The following MACROD2 variants were observed in gnomAD, a reference collection of about 807,000 sequenced individuals.
The protein encoded by MACROD2 is ADP-ribose glycohydrolase MACROD2.
In MACROD2, 36 loss-of-function variants were observed where a neutral mutation model predicts 70.4. The observed-to-expected ratio is 0.51, with a 90% CI of 0.39 to 0.68. The LOEUF (loss-of-function observed/expected upper bound fraction) is 0.68, where lower values mean the gene tolerates loss of function less well. MACROD2 is among the 30% of genes least tolerant of loss of function. MACROD2 has a pLI of 0.00. For synonymous variants in MACROD2, 172 were observed against 178.8 expected, an observed-to-expected ratio of 0.96 and a Z score of 0.30; for missense variants, 496 against 538.4, an observed-to-expected ratio of 0.92 and a Z score of 0.78.
At chr20:14,643,838 T>C (rs1985225628) in intron 4 of MACROD2, among the ~76,000 whole-genome samples, 1 of 152,084 alleles carries the variant, frequency 6.6e-6, no homozygotes. Flanking sequence ...TTTATAAAGA[T>C]TTGTTGAATG....
At chr20:14,301,634 C>T (rs777767057) in intron 3 of MACROD2, among the ~76,000 whole-genome samples, 5 of 152,100 alleles carry the variant, frequency 3.3e-5, no homozygotes, top group Non-Finnish European at 7.4e-5. Flanking sequence ...TAATGACCTT[C>T]GTGTCTATTG....
intron 5 of MACROD2, among the ~76,000 whole-genome samples, chr20:14,898,352 G>A (rs1432184017): frequency 2.0e-5 from 3 of 152,064 alleles, no homozygotes; most frequent in Non-Finnish European, 4.4e-5. Context: ...ATAAATTTAA[G>A]CTTAGAGCTC....
At chr20:14,198,426 G>C (rs1282590621) in intron 3 of MACROD2, among the ~76,000 whole-genome samples, 1 of 152,172 alleles carries the variant, frequency 6.6e-6, no homozygotes, top group Non-Finnish European at 1.5e-5. Context: ...AATTATATTA[G>C]TCCAGAGCCA....
chr20:15,716,827 G>T (rs770149309), intron 8 of MACROD2, among the ~76,000 whole-genome samples: 4 of 152,142 alleles, frequency 2.6e-5, no homozygotes, highest in Non-Finnish European at 5.9e-5. Context: ...ACATGATTAG[G>T]AAAGGCTGGG....
chr20:14,556,033 A>T (rs1052044088), intron 4 of MACROD2, among the ~76,000 whole-genome samples: 1 of 152,080 alleles, frequency 6.6e-6, no homozygotes, highest in African/African-American at 2.4e-5. Flanking sequence ...AATGTTTACA[A>T]TTACTTTTAG....
intron 5 of MACROD2, among the ~76,000 whole-genome samples, chr20:15,225,674 T>C (rs1266744546): frequency 1.3e-5 from 2 of 152,242 alleles, no homozygotes; most frequent in Non-Finnish European, 2.9e-5. Flanking sequence ...TATCTTTCCA[T>C]ATGCATACAT....
chr20:14,440,626 T>C (rs532997340), intron 3 of MACROD2, among the ~76,000 whole-genome samples: 1 of 152,336 alleles, frequency 6.6e-6, no homozygotes, highest in Non-Finnish European at 1.5e-5. Flanking sequence ...ATGAGACGTC[T>C]GTAGAAGAGT....
chr20:14,084,969 A>G (rs2054058151), intron 2 of MACROD2, among the ~76,000 whole-genome samples: 1 of 147,750 alleles, frequency 6.8e-6, no homozygotes, highest in Non-Finnish European at 1.5e-5. Flanking sequence ...CTAAAAATAC[A>G]AAAATTAGAT....
At chr20:14,908,349 T>A (rs963468643) in intron 5 of MACROD2, among the ~76,000 whole-genome samples, 3 of 137,934 alleles carry the variant, frequency 2.2e-5, no homozygotes, top group Non-Finnish European at 4.7e-5. Context: ...TCAAAAAAAA[T>A]AAATAAATAA....
rs566396181 is a variant in MACROD2 at position 15,014,965 on chromosome 20, C to T, written c.419-214975C>T. ...ATAATTTTGTATAATGTGGTCTCTT[C>T]AAAAGCGAGACCAGCACCTATTCGT... On this transcript the variant is annotated intron_variant, in intron 5 of 17. Transcript: ENST00000684519. Among the ~76,000 whole-genome samples, 5 of 152,106 alleles carry T rather than the reference C, an allele frequency of 3.3e-5. No homozygotes were observed. The South Asian group carries it at 1.0e-3, about 32-fold the overall frequency.
intron 4 of MACROD2, among the ~76,000 whole-genome samples, chr20:14,574,525 T>C (rs1324426867): frequency 6.6e-6 from 1 of 152,152 alleles, no homozygotes; most frequent in East Asian, 1.9e-4. Context: ...GTCTAGGTTT[T>C]TCTGATGCTC....
At chr20:15,447,053 T>TGC (rs2046576547) in intron 7 of MACROD2, among the ~76,000 whole-genome samples, 2 of 32,428 alleles carry the variant, frequency 6.2e-5, no homozygotes, top group South Asian at 5.4e-3. Context: ...AGAGTGTGCG[T>TGC]GTGTGTGTGT....
rs189981583 is a variant in MACROD2, at chr20:15,159,216, C to T, written c.419-70724C>T. Among the ~76,000 whole-genome samples the T allele has an allele frequency of 3.1e-4, 47 of 152,020 alleles. 1 individual carries two copies. The highest frequency in any genetic ancestry group is 9.8e-4 in the Admixed American group (15 of 15,244). On this transcript the variant is annotated intron_variant, in intron 5 of 17. Transcript: ENST00000684519. The stretch of plus-strand genomic sequence containing the variant: ...TTTCATAAAACAAAAAGGGTAAAGC[C>T]ACTGGGGGAAAAATGTGTCTTTTGT...
In MACROD2 at chr20:14,976,680, T is replaced by C. The variant is rs145123074; in HGVS notation, c.419-253260T>C. ...GTAATATTCTAGATGGATGGAAAGATGGTTTAGCCTAGAGGTGAAGGACAT... is the reference window on the plus strand; with the variant it reads ...GTAATATTCTAGATGGATGGAAAGACGGTTTAGCCTAGAGGTGAAGGACAT... On this transcript the variant is annotated intron_variant, in intron 5 of 17. Transcript: ENST00000684519. Among the ~76,000 whole-genome samples the C allele has an allele frequency of 3.0e-3, 456 of 152,286 alleles. 4 individuals carry two copies. The highest frequency in any genetic ancestry group is 9.6e-3 in the African/African-American group (397 of 41,554).
At chr20:15,745,368 A>G (rs1465637196) in intron 8 of MACROD2, among the ~76,000 whole-genome samples, 2 of 152,176 alleles carry the variant, frequency 1.3e-5, no homozygotes, top group Admixed American at 1.3e-4. Context: ...TCTGAAGCCA[A>G]GCATTTTTCT....
intron 4 of MACROD2, among the ~76,000 whole-genome samples, chr20:14,536,626 G>GGTGTGTGT (rs11471542): frequency 0.015 from 2,121 of 139,134 alleles, 41 homozygotes; most frequent in East Asian, 0.038. Context: ...AGGTAACATT[G>GGTGTGTGT]GTGTGTGTGT....
intron 5 of MACROD2, among the ~76,000 whole-genome samples, chr20:14,710,342 A>G (rs2071323281): frequency 6.6e-6 from 1 of 152,228 alleles, no homozygotes; most frequent in Admixed American, 6.5e-5. Flanking sequence ...GTGACAGGCA[A>G]CAAATATTGA....
At chr20:15,014,758 A>G (rs1472468658) in intron 5 of MACROD2, among the ~76,000 whole-genome samples, 2 of 152,156 alleles carry the variant, frequency 1.3e-5, no homozygotes, top group Non-Finnish European at 2.9e-5. Context: ...AAAAACAGAA[A>G]TCTAAGCTAC....
At chr20:15,005,898 G>A (rs1011256736) in intron 5 of MACROD2, among the ~76,000 whole-genome samples, 22 of 152,082 alleles carry the variant, frequency 1.4e-4, no homozygotes, top group African/African-American at 5.1e-4. Context: ...TTGATTGAAA[G>A]AGCCGATTTT....
Sources: gnomAD v4.1 joint callset for allele counts (sites outside exome capture counted in the v4.1 genomes callset) on GRCh38, gnomAD v4.1.1 for gene constraint, MANE v1.5 for transcripts, NCBI Gene and HGNC (gene_info 2026-07-23, HGNC 2026-07-21) for gene names.